PTPRJ: variants seen among roughly 807,000 people sequenced by gnomAD.
PTPRJ encodes protein tyrosine phosphatase receptor type J.
Under a neutral mutation model 141.3 loss-of-function variants are expected in PTPRJ, and 129 were observed. The observed-to-expected ratio is 0.91, with a 90% CI of 0.79 to 1.06. PTPRJ has a LOEUF of 1.06. Among genes scored for constraint, PTPRJ ranks in the 50% least tolerant of loss-of-function variants. The pLI, the probability that PTPRJ is intolerant of heterozygous loss-of-function variation, is 0.00. For synonymous variants in PTPRJ, 610 were observed against 640.5 expected, an observed-to-expected ratio of 0.95 and a Z score of 0.72; for missense variants, 1,601 against 1,679.7, an observed-to-expected ratio of 0.95 and a Z score of 0.82.
Position 48,130,690 on chromosome 11 carries a change from C to CA in PTPRJ, c.1590dup (p.Ser531IlefsTer7). The CA allele has an allele frequency of 6.2e-7, 1 of 1,612,936 alleles. No individual in the cohort carries two copies. The highest frequency in any genetic ancestry group is 8.5e-7 in the Non-Finnish European group (1 of 1,179,238). On this transcript the variant is annotated frameshift_variant, in exon 8 of 25. Coordinates refer to ENST00000418331, the MANE Select transcript of PTPRJ (RefSeq NM_002843.4). LOFTEE classifies it high-confidence loss of function. The stretch of plus-strand genomic sequence containing the variant: ...AAAGGACCAAATGGGACTGAAGGGG[C>CA]ATCTCGGACAGTTTGCAATAGAACT...
chr11:48,051,685 C>A (rs1048228124), intron 1 of PTPRJ, among the ~76,000 whole-genome samples: 4 of 152,198 alleles, frequency 2.6e-5, no homozygotes, highest in African/African-American at 9.6e-5. Context: ...GCCCTGTGGG[C>A]TTGGGAGTGA....
At chr11:48,037,609 C>G (rs372997081) in intron 1 of PTPRJ, among the ~76,000 whole-genome samples, 1 of 152,200 alleles carries the variant, frequency 6.6e-6, no homozygotes, top group African/African-American at 2.4e-5. Context: ...TCCAGGAGTT[C>G]GAGACCAGCC....
Position 48,125,989 on chromosome 11 carries a change from C to T in PTPRJ, c.1093+803C>T, listed in dbSNP as rs1361232393. Among the ~76,000 whole-genome samples, 9 of 151,942 alleles carry T rather than the reference C, an allele frequency of 5.9e-5. No individual in the cohort carries two copies. In the East Asian group the frequency reaches 1.7e-3, roughly 29 times the overall value. ...TGGCAGGAGTGGCAGGTGGGAGGCTCTCGGGTGAGGAGGGCTTGGATTCCA... is the reference window on the plus strand; with the variant it reads ...TGGCAGGAGTGGCAGGTGGGAGGCTTTCGGGTGAGGAGGGCTTGGATTCCA... On this transcript the variant is annotated intron_variant, in intron 6 of 24. Coordinates refer to ENST00000418331, the MANE Select transcript of PTPRJ (RefSeq NM_002843.4).
chr11:48,004,960 G>T (rs2134193945), intron 1 of PTPRJ, among the ~76,000 whole-genome samples: 1 of 152,224 alleles, frequency 6.6e-6, no homozygotes, highest in South Asian at 2.1e-4. Context: ...AGTGGCTCAT[G>T]CCTGTAATCT....
chr11:48,022,916 G>A lies in PTPRJ; in HGVS notation c.96+41908G>A, dbSNP rs114564436. On this transcript the variant is annotated intron_variant, in intron 1 of 24. Transcript: ENST00000418331. ...AGGTGAGCTGAGGGGAAGCTGGTGG[G>A]GATAGGCCTGGTGGGGCCTGGGGAG... is the stretch of plus-strand genomic sequence containing the variant. 1.7e-3 allele frequency among the ~76,000 whole-genome samples: 252 copies of A among 152,234 alleles called. 2 individuals are homozygous for A. Among genetic ancestry groups the A allele is most frequent in the African/African-American group, 5.7e-3 (237 of 41,518 alleles).
At chr11:48,157,769 C>A (rs966915133) in intron 21 of PTPRJ, among the ~76,000 whole-genome samples, 1 of 152,160 alleles carries the variant, frequency 6.6e-6, no homozygotes, top group Non-Finnish European at 1.5e-5. Flanking sequence ...TGACGCCCAT[C>A]CTCATGTTGC....
At chr11:48,065,369 C>T (rs1855058792) in intron 1 of PTPRJ, among the ~76,000 whole-genome samples, 1 of 152,040 alleles carries the variant, frequency 6.6e-6, no homozygotes, top group African/African-American at 2.4e-5. Context: ...GTGTGTCATT[C>T]CTGGGAGGCG....
chr11:48,093,567 C>T (rs73466868), intron 1 of PTPRJ, among the ~76,000 whole-genome samples: 2,347 of 152,068 alleles, frequency 0.015, 72 homozygotes, highest in African/African-American at 0.054. Context: ...TTTTATTGAT[C>T]GTGTACAACT....
chr11:48,145,044 AC>A lies in PTPRJ; in HGVS notation c.2832del (p.Asn944LysfsTer45). 6.2e-7 allele frequency: 1 copy of A among 1,614,152 alleles called. No individual in the cohort carries two copies. Among genetic ancestry groups the A allele is most frequent in the Non-Finnish European group, 8.5e-7 (1 of 1,180,016 alleles). ...ACCAACATTACCTTCCACCCTCAAAACAAGGGGCTCATTGATGGGGCTGAGA... is the reference window on the plus strand; with the variant it reads ...ACCAACATTACCTTCCACCCTCAAAAAAGGGGCTCATTGATGGGGCTGAGA... ...GFTNITFHPQ[N>X]KGLIDGAESY... is the part of the protein sequence containing the mutation. On this transcript the variant is annotated frameshift_variant, in exon 14 of 25. Transcript: ENST00000418331. LOFTEE classifies it high-confidence loss of function.
At chr11:47,996,196 A>G (rs527876993) in intron 1 of PTPRJ, among the ~76,000 whole-genome samples, 12 of 141,522 alleles carry the variant, frequency 8.5e-5, no homozygotes, top group East Asian at 6.8e-4. Flanking sequence ...TTAGCTGGGC[A>G]TGGTGGTGGG....
In PTPRJ at chr11:48,070,248, C is replaced by G. The variant is rs548281777; in HGVS notation, c.97-39810C>G. Among the ~76,000 whole-genome samples, 347 of 152,250 alleles carry G rather than the reference C, an allele frequency of 2.3e-3. 1 individual carries two copies. The highest frequency in any genetic ancestry group is 7.9e-3 in the African/African-American group (330 of 41,552). The stretch of plus-strand genomic sequence containing the variant: ...GGGCGCGGTGGCTCATGCCTGTAAT[C>G]CCAGCATTTTGGGGAGGCTGAGGTG... On this transcript the variant is annotated intron_variant, in intron 1 of 24. Coordinates refer to ENST00000418331, the MANE Select transcript of PTPRJ (RefSeq NM_002843.4).
intron 1 of PTPRJ, among the ~76,000 whole-genome samples, chr11:47,983,598 G>C (rs773110150): frequency 5.9e-5 from 9 of 152,180 alleles, no homozygotes; most frequent in Non-Finnish European, 1.2e-4. Context: ...CAGGAAGGAC[G>C]GTCAGAGATG....
chr11:48,162,573 C>T (rs941214122), intron 22 of PTPRJ, among the ~76,000 whole-genome samples: 1 of 152,210 alleles, frequency 6.6e-6, no homozygotes, highest in African/African-American at 2.4e-5. Context: ...ATTTTGAATA[C>T]TGCACATTCT....
rs1180312362 is a variant in PTPRJ, at chr11:48,123,720, A to G, written c.724A>G (p.Ser242Gly). The change falls in exon 5 of 25, where the codon AGC becomes GGC. Residue 242 changes from serine to glycine, a missense_variant. Coordinates refer to ENST00000418331, the MANE Select transcript of PTPRJ (RefSeq NM_002843.4). ...TGCCTCCTGCCGGGTTCTTCTTGAA[A>G]GCATTGGAAGCCATGAGGAGTTGAC... ...GTASCRVLLESIGSHEELTQD... is the reference protein window; with the variant it reads ...GTASCRVLLEGIGSHEELTQD... The G allele has an allele frequency of 1.1e-4, 175 of 1,614,034 alleles. No individual in the cohort carries two copies. Among genetic ancestry groups the G allele is most frequent in the Non-Finnish European group, 1.5e-4 (172 of 1,180,034 alleles).
rs1344418235 is a variant in PTPRJ at position 48,121,108 on chromosome 11, T to C, written c.458T>C (p.Val153Ala). 16 of 1,613,980 alleles carry C rather than the reference T, an allele frequency of 9.9e-6. No homozygotes were observed. The highest frequency in any genetic ancestry group is 1.7e-5 in the Admixed American group (1 of 59,994). ...DTAASEYKYV[V>A]KHKMENEKTI... Reference sequence around the variant, plus strand: ...GCTGCTTCTGAGTACAAGTATGTAGTAAAGCATAAGATGGAAAATGAGAAG... The same window carrying C: ...GCTGCTTCTGAGTACAAGTATGTAGCAAAGCATAAGATGGAAAATGAGAAG... Residue 153 changes from valine (V) to alanine (A), a missense_variant, in exon 4 of 25, where the codon GTA becomes GCA. By Grantham distance (64) the Val-to-Ala change is moderately conservative (BLOSUM62 0). Coordinates refer to ENST00000418331, the MANE Select transcript of PTPRJ (RefSeq NM_002843.4).
rs79838377 is a variant in PTPRJ, at chr11:48,037,308, A to C, written c.96+56300A>C. ...TGTATTCTCTCAGAACCAGGATTTA[A>C]TAGGAGGTGGGTGGGGGGTGGTCCT... On this transcript the variant is annotated intron_variant, in intron 1 of 24. Transcript: ENST00000418331. Among the ~76,000 whole-genome samples, 1,238 of 152,304 alleles carry C rather than the reference A, an allele frequency of 8.1e-3. 13 individuals carry two copies. The highest frequency in any genetic ancestry group is 0.029 in the African/African-American group (1,185 of 41,568).
chr11:48,131,568 A>G (rs1418960718), intron 8 of PTPRJ: 2 of 767,826 alleles, frequency 2.6e-6, no homozygotes, highest in Non-Finnish European at 4.9e-6. Context: ...GCAGATAAGA[A>G]TGGCCCCTAT....
chr11:48,112,168 T>C (rs985185535), intron 2 of PTPRJ, among the ~76,000 whole-genome samples: 1 of 152,160 alleles, frequency 6.6e-6, no homozygotes, highest in Non-Finnish European at 1.5e-5. Flanking sequence ...CTCCACCCTT[T>C]AAGGACACTT....
chr11:48,156,454 A>T (rs1331300799), intron 21 of PTPRJ, among the ~76,000 whole-genome samples: 1 of 152,134 alleles, frequency 6.6e-6, no homozygotes, highest in East Asian at 1.9e-4. Context: ...CCCCATGAAC[A>T]CGGACAAGCC....
Sources: allele counts gnomAD v4.1 joint callset (sites outside exome capture counted in the v4.1 genomes callset), GRCh38; gene constraint gnomAD v4.1.1; transcripts MANE v1.5; gene names NCBI Gene and HGNC (gene_info 2026-07-23, HGNC 2026-07-21).